The following PRDM11 variants were observed in gnomAD, a reference collection of about 807,000 sequenced individuals.
The protein encoded by PRDM11 is PR/SET domain 11.
In PRDM11, 20 loss-of-function variants were observed where a neutral mutation model predicts 97.8. The ratio of observed to expected loss-of-function variants is 0.20; its 90% confidence interval spans 0.14 to 0.30. PRDM11 has a LOEUF of 0.30. Among genes scored for constraint, PRDM11 ranks in the 10% least tolerant of loss-of-function variants. The probability of loss-of-function intolerance (pLI) is 1.00; values close to 1 mark genes in which losing one functional copy is unlikely to be tolerated. For missense variants in PRDM11, 1,139 were observed against 1,555.2 expected, an observed-to-expected ratio of 0.73 and a Z score of 4.50; for synonymous variants, 599 against 637.7, an observed-to-expected ratio of 0.94 and a Z score of 0.91.
chr11:45,173,912 A>G (rs1020806226), intron 1 of PRDM11, among the ~76,000 whole-genome samples: 4 of 152,210 alleles, frequency 2.6e-5, no homozygotes, highest in Admixed American at 6.5e-5. Flanking sequence ...ATATATATTC[A>G]GAAAAGTGCA....
rs1030242482 is a variant in PRDM11 at position 45,234,261 on chromosome 11, A to T, written c.*6102A>T. 2 of 152,266 alleles carry T rather than the reference A, an allele frequency of 1.3e-5. No homozygotes were observed. The highest frequency in any genetic ancestry group is 2.4e-5 in the African/African-American group (1 of 41,444). The allele number at this position is 152,266 out of a possible 1,614,324, so 9.4% of individuals were successfully genotyped here. ...AGAGGGCCTGACCAGGCACCAGATG[A>T]TGGAGCAAGGGCAGCTGCATGCTCC... is the stretch of plus-strand genomic sequence containing the variant. On this transcript the variant is annotated 3_prime_UTR_variant, in exon 8 of 8. Transcript: ENST00000683152.
intron 1 of PRDM11, among the ~76,000 whole-genome samples, chr11:45,147,100 A>T (rs1851531741): frequency 6.8e-6 from 1 of 148,128 alleles, no homozygotes; most frequent in African/African-American, 2.5e-5. Flanking sequence ...AACCCTCGGC[A>T]GGTAGCTGCC....
At chr11:45,145,584 GC>G (rs1294928826), upstream of PRDM11, among the ~76,000 whole-genome samples, 6 of 152,298 alleles carry the variant, frequency 3.9e-5, no homozygotes, top group East Asian at 7.7e-4. Context: ...ACAGCGCCTC[GC>G]CCAGGTGCCT....
intron 1 of PRDM11, among the ~76,000 whole-genome samples, chr11:45,165,434 C>T (rs1444407971): frequency 6.6e-6 from 1 of 152,206 alleles, no homozygotes; most frequent in Non-Finnish European, 1.5e-5. Context: ...AGCCCAGCAC[C>T]CTCATCTCCT....
At chr11:45,095,175 C>A (rs56853814), upstream of PRDM11, among the ~76,000 whole-genome samples, 1 of 152,158 alleles carries the variant, frequency 6.6e-6, no homozygotes, top group East Asian at 1.9e-4. Flanking sequence ...CTGCCTCCCC[C>A]AAAAGAAGGT....
chr11:45,186,277 T>C (rs1388069439), intron 4 of PRDM11, among the ~76,000 whole-genome samples: 2 of 145,814 alleles, frequency 1.4e-5, no homozygotes, highest in African/African-American at 5.3e-5. Context: ...TGAGGTGGCC[T>C]GAAATCGAGG....
intron 1 of PRDM11, among the ~76,000 whole-genome samples, chr11:45,097,844 G>A (rs768222251): frequency 2.6e-5 from 4 of 152,250 alleles, no homozygotes; most frequent in Non-Finnish European, 5.9e-5. Context: ...GCCTGCAGTG[G>A]CAGGAGGAAG....
Position 45,226,921 on chromosome 11 carries a change from C to T in PRDM11, c.2296C>T (p.His766Tyr), listed in dbSNP as rs1316865255. The change falls in exon 8 of 8, where the codon CAC (histidine) becomes TAC (tyrosine). Residue 766 changes from histidine to tyrosine, a missense_variant. Transcript: ENST00000683152. ...CCTGCCCTTCATGGTGCACCGGCCC[C>T]ACCTGGAGATCCTGGATGCCATCAG... ...LCLPFMVHRP[H>Y]LEILDAISGK... 2 of 1,533,958 alleles carry T rather than the reference C, an allele frequency of 1.3e-6. No individual in the cohort carries two copies. Among genetic ancestry groups the T allele is most frequent in the South Asian group, 1.2e-5 (1 of 83,972 alleles).
At chr11:45,150,087 A>G (rs747541460) in intron 1 of PRDM11, among the ~76,000 whole-genome samples, 12 of 152,300 alleles carry the variant, frequency 7.9e-5, no homozygotes, top group Non-Finnish European at 1.8e-4. Context: ...CAGACTCTGC[A>G]GGGACACCAT....
At chr11:45,215,759 A>ATGTG (rs1853939394) in intron 5 of PRDM11, 1 of 152,256 alleles carries the variant, frequency 6.6e-6, no homozygotes, top group South Asian at 2.1e-4. Context: ...TGGTGGGTGG[A>ATGTG]TGTGTGACCC....
chr11:45,224,935 TC>T, intron 7 of PRDM11, 92 bp downstream of exon 7: 1 of 1,594,848 alleles, frequency 6.3e-7, no homozygotes. Flanking sequence ...GAAACCACCT[TC>T]CGGGAGACCT....
intron 1 of PRDM11, among the ~76,000 whole-genome samples, chr11:45,113,940 A>G (rs1359694875): frequency 2.0e-5 from 3 of 151,552 alleles, no homozygotes; most frequent in Admixed American, 6.6e-5. Flanking sequence ...TTTTCTAGGT[A>G]TACAGTCATA....
intron 1 of PRDM11, among the ~76,000 whole-genome samples, chr11:45,125,318 G>GT (rs1409996394): frequency 5.3e-5 from 8 of 152,154 alleles, no homozygotes; most frequent in African/African-American, 1.7e-4. Context: ...TTTTTGAAGG[G>GT]TTTTTTGTGT....
chr11:45,149,641 A>G (rs758090210), intron 1 of PRDM11, among the ~76,000 whole-genome samples: 6 of 152,204 alleles, frequency 3.9e-5, no homozygotes, highest in Non-Finnish European at 7.3e-5. Flanking sequence ...GGGCCACAGC[A>G]TTTAATTGCT....
chr11:45,162,364 A>G (rs1349498485), intron 1 of PRDM11, among the ~76,000 whole-genome samples: 4 of 152,028 alleles, frequency 2.6e-5, no homozygotes, highest in Admixed American at 2.6e-4. Flanking sequence ...TGGAGAAAGT[A>G]AGGCTCAGAG....
chr11:45,137,486 C>T (rs2135660872), intron 1 of PRDM11, among the ~76,000 whole-genome samples: 1 of 152,210 alleles, frequency 6.6e-6, no homozygotes, highest in South Asian at 2.1e-4. Context: ...TGTGGCGGCT[C>T]ATGCCTGTAA....
intron 1 of PRDM11, among the ~76,000 whole-genome samples, chr11:45,157,961 C>G (rs1851841165): frequency 6.6e-6 from 1 of 152,142 alleles, no homozygotes; most frequent in African/African-American, 2.4e-5. Flanking sequence ...TCTCTGATGG[C>G]ATGGGGTCTG....
intron 1 of PRDM11, among the ~76,000 whole-genome samples, chr11:45,098,519 T>C: frequency 6.6e-6 from 1 of 152,116 alleles, no homozygotes; most frequent in Non-Finnish European, 1.5e-5. Context: ...AGTTCCACTT[T>C]ACAGGTGGGA....
chr11:45,128,321 G>C (rs1565243736), intron 1 of PRDM11, among the ~76,000 whole-genome samples: 1 of 152,210 alleles, frequency 6.6e-6, no homozygotes, highest in Admixed American at 6.5e-5. Context: ...GCCTCGCCCT[G>C]CTTCGGCTCG....
Sources: allele counts gnomAD v4.1 joint callset (sites outside exome capture counted in the v4.1 genomes callset), GRCh38; gene constraint gnomAD v4.1.1; transcripts MANE v1.5; gene names NCBI Gene and HGNC (gene_info 2026-07-23, HGNC 2026-07-21).